The following DACH1 variants were observed in gnomAD, a reference collection of about 807,000 sequenced individuals.
DACH1 encodes dachshund family transcription factor 1.
In DACH1, 12 loss-of-function variants were observed where a neutral mutation model predicts 54.2. The ratio of observed to expected loss-of-function variants is 0.22; its 90% CI spans 0.14 to 0.36. The LOEUF is 0.36. Ranked by LOEUF, DACH1 falls within the 10% of genes least tolerant of loss-of-function variation. The pLI is 1.00. For missense variants in DACH1, 805 were observed against 929.8 expected, an observed-to-expected ratio of 0.87 and a Z score of 1.75; for synonymous variants, 386 against 366.2, an observed-to-expected ratio of 1.05 and a Z score of -0.62.
At chr13:71,735,333 AC>A (rs1344213943) in intron 1 of DACH1, among the ~76,000 whole-genome samples, 9 of 51,624 alleles carry the variant, frequency 1.7e-4, no homozygotes, top group African/African-American at 3.7e-4. Context: ...ATACACGTAT[AC>A]GGGATATACG....
intron 1 of DACH1, among the ~76,000 whole-genome samples, chr13:71,735,651 A>ATGGCATATGTGTATATGGGATATACATG (rs1884078354): frequency 6.6e-6 from 1 of 151,752 alleles, no homozygotes; most frequent in Admixed American, 6.6e-5. Context: ...ATACGTGTAT[A>ATGGCATATGTGTATATGGGATATACATG]TATATGGGAT....
intron 1 of DACH1, among the ~76,000 whole-genome samples, chr13:71,773,688 A>G (rs1471426840): frequency 6.6e-6 from 1 of 152,058 alleles, no homozygotes; most frequent in Non-Finnish European, 1.5e-5. Flanking sequence ...TTCACAAAGC[A>G]GAACAATTCA....
intron 1 of DACH1, among the ~76,000 whole-genome samples, chr13:71,748,382 A>T (rs1443193711): frequency 6.6e-6 from 1 of 152,228 alleles, no homozygotes; most frequent in African/African-American, 2.4e-5. Flanking sequence ...GATCTTAGAG[A>T]TAAAAAAGTG....
chr13:71,866,501 C>A lies in DACH1; in HGVS notation c.269G>T (p.Gly90Val). 8.2e-7 allele frequency: 1 copy of A among 1,219,452 alleles called. No homozygotes were observed. The highest frequency in any genetic ancestry group is 1.0e-6 in the Non-Finnish European group (1 of 981,546). The allele number at this position is 1,219,452 out of a possible 1,614,324, so 75.5% of individuals were successfully genotyped here. The change falls in exon 1 of 11, where the codon GGC becomes GTC. Residue 90 changes from glycine (G) to valine (V), a missense_variant. Gly to Val is a moderately radical substitution (Grantham distance 109). Transcript: ENST00000613252. ...GGSGGGGGSS[G>V]NGGGGGGGGG... ...GCCGCCGCCACCGCCGCCTCCGTTG[C>A]CGCTGCTGCCGCCGCCGCCTCCGCT...
intron 6 of DACH1, among the ~76,000 whole-genome samples, chr13:71,522,802 T>G (rs1482451396): frequency 6.6e-6 from 1 of 152,136 alleles, no homozygotes; most frequent in Non-Finnish European, 1.5e-5. Context: ...ACTTCCTTCT[T>G]CTAAAACTGT....
chr13:71,553,791 G>A (rs940624622), intron 6 of DACH1, among the ~76,000 whole-genome samples: 2 of 151,134 alleles, frequency 1.3e-5, no homozygotes, highest in East Asian at 1.9e-4. Flanking sequence ...AACTAATGGT[G>A]ACTTAATTTT....
chr13:71,866,431 G>GC lies in DACH1; in HGVS notation c.338_339insG (p.Asn113LysfsTer34). On this transcript the variant is annotated frameshift_variant, in exon 1 of 11. Coordinates refer to ENST00000613252, the MANE Select transcript of DACH1 (RefSeq NM_080759.6). LOFTEE classifies it high-confidence loss of function. ...TGCCGCCGCCGCCGCCGCCGCTGCC[G>GC]TTGCTCGCGGCCGCCAGGTTGGGGT... The GC allele has an allele frequency of 7.1e-7, 1 of 1,408,742 alleles. No homozygotes were observed. The highest frequency in any genetic ancestry group is 9.3e-7 in the Non-Finnish European group (1 of 1,075,162). The allele number at this position is 1,408,742 out of a possible 1,614,324, so 87.3% of individuals were successfully genotyped here.
chr13:71,567,808 C>T (rs570589100), intron 4 of DACH1, among the ~76,000 whole-genome samples: 36 of 152,044 alleles, frequency 2.4e-4, no homozygotes, highest in Admixed American at 1.4e-3. Flanking sequence ...AAATATGCTG[C>T]GTTTCTTCCT....
In DACH1 at chr13:71,489,009, C is replaced by T. The variant is rs1164226044; in HGVS notation, c.1710G>A (p.Leu570=). The T allele has an allele frequency of 1.9e-6, 3 of 1,612,926 alleles. No homozygotes were observed. The highest frequency in any genetic ancestry group is 1.7e-5 in the Admixed American group (1 of 59,922). Residue 570 remains leucine (L), a synonymous_variant, in exon 7 of 11, where the codon CTG becomes CTA. Transcript: ENST00000613252. ...TAAAAAGGCCTACCTGTATGTTAGTCAGAAGAGTCTCGATGGAAGACAGTC... is the reference window on the plus strand; with the variant it reads ...TAAAAAGGCCTACCTGTATGTTAGTTAGAAGAGTCTCGATGGAAGACAGTC... The part of the protein sequence containing the change: ...PDGLSSIETL[L]TNIQGLLKVA...
intron 2 of DACH1, among the ~76,000 whole-genome samples, chr13:71,636,093 A>AT (rs1877471743): frequency 6.6e-6 from 1 of 151,898 alleles, no homozygotes; most frequent in Admixed American, 6.6e-5. Flanking sequence ...CTGCTTTTAC[A>AT]TTTTTTCATT....
At chr13:71,485,353 A>C (rs1445414924) in intron 7 of DACH1, among the ~76,000 whole-genome samples, 2 of 151,464 alleles carry the variant, frequency 1.3e-5, no homozygotes, top group Non-Finnish European at 2.9e-5. Context: ...TACTCTAGAT[A>C]TCTGTATCCA....
At chr13:71,800,102 G>T (rs1218826868) in intron 1 of DACH1, among the ~76,000 whole-genome samples, 1 of 152,098 alleles carries the variant, frequency 6.6e-6, no homozygotes, top group Non-Finnish European at 1.5e-5. Context: ...CCTCAAGTGA[G>T]TTGCTTGAAC....
At chr13:71,458,097 G>C (rs1566270979) in intron 10 of DACH1, among the ~76,000 whole-genome samples, 2 of 151,582 alleles carry the variant, frequency 1.3e-5, no homozygotes, top group African/African-American at 2.4e-5. Context: ...CCTCTTTTCT[G>C]AATGAATTAC....
intron 1 of DACH1, among the ~76,000 whole-genome samples, chr13:71,788,377 A>C (rs75304944): frequency 6.6e-6 from 1 of 152,130 alleles, no homozygotes; most frequent in Non-Finnish European, 1.5e-5. Flanking sequence ...TGTGGCTTTT[A>C]TATGTGTGAG....
rs1481403111 is a variant in DACH1 at position 71,465,219 on chromosome 13, A to T, written c.2083+9922T>A. Among the ~76,000 whole-genome samples the T allele has an allele frequency of 7.2e-5, 11 of 152,108 alleles. No individual in the cohort carries two copies. In the South Asian group the frequency reaches 2.3e-3, roughly 31 times the overall value. On this transcript the variant is annotated intron_variant, in intron 10 of 10. Transcript: ENST00000613252. Reference sequence around the variant, plus strand: ...ATGTCTAAATATATACATGCTATCAAATTAATAACACACTTTCCATAACCA... The same window carrying T: ...ATGTCTAAATATATACATGCTATCATATTAATAACACACTTTCCATAACCA...
chr13:71,537,376 A>T (rs1882874961), intron 6 of DACH1, among the ~76,000 whole-genome samples: 1 of 152,030 alleles, frequency 6.6e-6, no homozygotes, highest in South Asian at 2.1e-4. Flanking sequence ...TACACAAAAC[A>T]CCAACTAATA....
intron 6 of DACH1, among the ~76,000 whole-genome samples, chr13:71,525,431 C>A (rs1197958551): frequency 3.3e-5 from 5 of 151,986 alleles, no homozygotes; most frequent in Non-Finnish European, 5.9e-5. Flanking sequence ...TCTGGAAAGT[C>A]CCGTTATTGT....
intron 6 of DACH1, among the ~76,000 whole-genome samples, chr13:71,536,665 G>A (rs1461213007): frequency 6.6e-6 from 1 of 152,018 alleles, no homozygotes; most frequent in East Asian, 1.9e-4. Context: ...ACAAAAACTT[G>A]GAGTGTTTAT....
At chr13:71,543,975 G>A (rs1278630921) in intron 6 of DACH1, among the ~76,000 whole-genome samples, 1 of 150,776 alleles carries the variant, frequency 6.6e-6, no homozygotes, top group African/African-American at 2.4e-5. Flanking sequence ...CACAACTATA[G>A]CAAAACTCAG....
Sources: gnomAD v4.1 joint callset for allele counts (sites outside exome capture counted in the v4.1 genomes callset) on GRCh38, gnomAD v4.1.1 for gene constraint, MANE v1.5 for transcripts, NCBI Gene and HGNC (gene_info 2026-07-23, HGNC 2026-07-21) for gene names.